Variants in DAB1 observed in about 807,000 individuals in gnomAD.
DAB1 encodes disabled homolog 1.
In DAB1, 15 loss-of-function variants were observed where a neutral mutation model predicts 64.6. The observed-to-expected ratio is 0.23, with a 90% confidence interval of 0.16 to 0.36. DAB1 has a LOEUF of 0.36. Among genes scored for constraint, DAB1 ranks in the 10% least tolerant of loss-of-function variants. The probability of loss-of-function intolerance (pLI) is 1.00; values close to 1 mark genes in which losing one functional copy is unlikely to be tolerated. For missense variants in DAB1, 596 were observed against 706.7 expected (o/e 0.84, Z 1.78); for synonymous variants, 235 against 251.9 (o/e 0.93, Z 0.64).
At chr1:57,028,344 C>T (rs1281906317) in intron 9 of DAB1, among the ~76,000 whole-genome samples, 1 of 152,172 alleles carries the variant, frequency 6.6e-6, no homozygotes, top group Non-Finnish European at 1.5e-5. Context: ...ATTGAGGCCT[C>T]CCCAGCCATG....
At chr1:57,261,662 T>C (rs1457268150) in intron 2 of DAB1, among the ~76,000 whole-genome samples, 2 of 152,166 alleles carry the variant, frequency 1.3e-5, no homozygotes, top group African/African-American at 4.8e-5. Context: ...TGGCACATAG[T>C]AAGCACTCAG....
intron 5 of DAB1, among the ~76,000 whole-genome samples, chr1:57,926,480 A>C (rs1644881703): frequency 6.6e-6 from 1 of 152,200 alleles, no homozygotes; most frequent in Non-Finnish European, 1.5e-5. Flanking sequence ...CATGTTGAAC[A>C]AGGTGTCAAG....
At chr1:57,329,406 T>C (rs1392139752) in intron 1 of DAB1, among the ~76,000 whole-genome samples, 4 of 152,224 alleles carry the variant, frequency 2.6e-5, no homozygotes, top group Non-Finnish European at 5.9e-5. Context: ...TATGCTTTTA[T>C]TGGCCATTAC....
chr1:58,521,929 A>C (rs1305629535), intron 2 of DAB1, among the ~76,000 whole-genome samples: 1 of 152,226 alleles, frequency 6.6e-6, no homozygotes, highest in Admixed American at 6.5e-5. Context: ...CATAACTTTG[A>C]TTCCAAAACC....
chr1:58,382,969 T>C (rs1569711423), intron 3 of DAB1, among the ~76,000 whole-genome samples: 1 of 152,320 alleles, frequency 6.6e-6, no homozygotes, highest in East Asian at 1.9e-4. Context: ...TCCTTTCTGG[T>C]GCATCTGTTG....
At position 57,085,755 on chromosome 1, in the gene DAB1, C is replaced by G. The variant is rs138828764; in HGVS notation, c.307-13341G>C. 5.0e-4 allele frequency among the ~76,000 whole-genome samples: 76 copies of G among 152,294 alleles called. 2 individuals carry two copies. The East Asian group carries it at 0.015, about 29-fold the overall frequency. On this transcript the variant is annotated intron_variant, in intron 4 of 14. Coordinates refer to ENST00000371236, the MANE Select transcript of DAB1 (RefSeq NM_001365792.1). The stretch of plus-strand genomic sequence containing the variant: ...TCGTTTTTGGCTCACCATCACATCC[C>G]CAGCTCCTCGCACACTGTATGACAC...
intron 4 of DAB1, among the ~76,000 whole-genome samples, chr1:58,194,018 A>C (rs2100239580): frequency 6.6e-6 from 1 of 152,358 alleles, no homozygotes; most frequent in African/African-American, 2.4e-5. Context: ...AAGACGTTGG[A>C]TAAAGAATTT....
intron 4 of DAB1, among the ~76,000 whole-genome samples, chr1:58,177,849 A>G (rs1258154254): frequency 6.6e-6 from 1 of 152,220 alleles, no homozygotes; most frequent in Non-Finnish European, 1.5e-5. Context: ...AGAATTAAAT[A>G]AAAACAGAGA....
chr1:57,606,559 A>G (rs1309899676), intron 7 of DAB1, among the ~76,000 whole-genome samples: 1 of 76,416 alleles, frequency 1.3e-5, no homozygotes, highest in Non-Finnish European at 2.8e-5. Context: ...ATAATATATT[A>G]TATATTATAT....
intron 4 of DAB1, among the ~76,000 whole-genome samples, chr1:58,301,711 G>A (rs1025483469): frequency 1.3e-5 from 2 of 152,090 alleles, no homozygotes; most frequent in Non-Finnish European, 2.9e-5. Context: ...GAGGCCCGGA[G>A]GGATTACTAT....
intron 9 of DAB1, among the ~76,000 whole-genome samples, chr1:57,062,662 C>A (rs916840844): frequency 6.6e-6 from 1 of 152,158 alleles, no homozygotes; most frequent in Non-Finnish European, 1.5e-5. Context: ...CTCATGGGAC[C>A]AGACCTTCAT....
At chr1:58,057,871 C>A (rs1410127079) in intron 5 of DAB1, among the ~76,000 whole-genome samples, 2 of 151,932 alleles carry the variant, frequency 1.3e-5, no homozygotes, top group Non-Finnish European at 2.9e-5. Context: ...CTAGGAGCAT[C>A]CTCTCACCTG....
chr1:57,671,490 TATATAGC>T (rs552808664), intron 6 of DAB1, among the ~76,000 whole-genome samples: 23 of 152,206 alleles, frequency 1.5e-4, no homozygotes, highest in African/African-American at 5.3e-4. Context: ...TAAAAATGGA[TATATAGC>T]ATATAAAATC....
At chr1:58,464,910 CG>C (rs1203139192) in intron 3 of DAB1, among the ~76,000 whole-genome samples, 3 of 152,114 alleles carry the variant, frequency 2.0e-5, no homozygotes, top group East Asian at 3.9e-4. Context: ...CACTGAATAT[CG>C]GGGCAGGAGA....
chr1:57,106,009 T>A (rs1002191278), intron 4 of DAB1, among the ~76,000 whole-genome samples: 4 of 152,164 alleles, frequency 2.6e-5, no homozygotes, highest in African/African-American at 9.7e-5. Flanking sequence ...TCTTAACCTC[T>A]GTAAGCCTCG....
At chr1:57,662,661 G>A (rs906201495) in intron 6 of DAB1, among the ~76,000 whole-genome samples, 1 of 152,228 alleles carries the variant, frequency 6.6e-6, no homozygotes, top group Non-Finnish European at 1.5e-5. Flanking sequence ...AGGAGGTGAT[G>A]CTTGAGCTGA....
chr1:58,467,419 C>T (rs958235444), intron 3 of DAB1, among the ~76,000 whole-genome samples: 5 of 152,180 alleles, frequency 3.3e-5, no homozygotes, highest in Non-Finnish European at 5.9e-5. Context: ...TCCCCAGTCC[C>T]CGTTTTCTCT....
intron 5 of DAB1, among the ~76,000 whole-genome samples, chr1:58,031,794 T>C (rs1646973902): frequency 6.6e-6 from 1 of 151,976 alleles, no homozygotes; most frequent in African/African-American, 2.4e-5. Context: ...AAAAACAATA[T>C]CCTGCTCAGC....
At chr1:57,200,157 C>T (rs1569865323) in intron 2 of DAB1, among the ~76,000 whole-genome samples, 1 of 152,220 alleles carries the variant, frequency 6.6e-6, no homozygotes, top group Non-Finnish European at 1.5e-5. Flanking sequence ...GGTGACTATA[C>T]TCCTGTCTCT....
Sources: gnomAD v4.1 joint callset for allele counts (sites outside exome capture counted in the v4.1 genomes callset) on GRCh38, gnomAD v4.1.1 for gene constraint, MANE v1.5 for transcripts, NCBI Gene and HGNC (gene_info 2026-07-23, HGNC 2026-07-21) for gene names.